The following FAT1 variants were observed in gnomAD, a reference collection of about 807,000 sequenced individuals.
The protein encoded by FAT1 is FAT atypical cadherin 1, also known as protocadherin Fat 1.
Under a neutral mutation model 329.8 loss-of-function variants are expected in FAT1, and 171 were observed. The ratio of observed to expected loss-of-function variants is 0.52; its 90% CI spans 0.46 to 0.59. The LOEUF (loss-of-function observed/expected upper bound fraction) is 0.59, where lower values mean the gene tolerates loss of function less well. FAT1 is among the 20% of genes least tolerant of loss of function. FAT1 has a pLI of 0.00. For missense variants in FAT1, 5,672 were observed against 5,774.4 expected (o/e 0.98, Z 0.57); for synonymous variants, 2,233 against 2,228.6 (o/e 1.00, Z -0.06).
chr4:186,664,421 G>A (rs1370140019), intron 2 of FAT1, among the ~76,000 whole-genome samples: 3 of 152,130 alleles, frequency 2.0e-5, no homozygotes, highest in South Asian at 2.1e-4. Context: ...GCACAATAAC[G>A]TATTAAATAC....
intron 9 of FAT1, among the ~76,000 whole-genome samples, chr4:186,622,278 C>G (rs373911078): frequency 2.6e-5 from 4 of 152,242 alleles, no homozygotes; most frequent in African/African-American, 7.2e-5. Context: ...GTGTGTAACC[C>G]ACCCCACTTT....
At position 186,588,202 on chromosome 4, in the gene FAT1, A is replaced by G; in HGVS notation, c.*390T>C. ...AATTCAGTTGAAACAAATGCACAAA[A>G]TATCTTGGAAATCTAGTTAAAACTA... On this transcript the variant is annotated 3_prime_UTR_variant, in exon 27 of 27. Transcript: ENST00000441802. 4.2e-6 allele frequency: 1 copy of G among 239,866 alleles called. No individual in the cohort carries two copies. The highest frequency in any genetic ancestry group is 8.2e-6 in the Non-Finnish European group (1 of 121,776). The allele number at this position is 239,866 out of a possible 1,614,324, so 14.9% of individuals were successfully genotyped here. A position where few individuals can be genotyped will look rare whatever the true frequency, so the allele number is the denominator to read the frequency against.
chr4:186,690,897 C>T (rs1743729192), intron 2 of FAT1, among the ~76,000 whole-genome samples: 1 of 152,138 alleles, frequency 6.6e-6, no homozygotes, highest in Admixed American at 6.5e-5. Flanking sequence ...ACGCTAATCA[C>T]ATGCTGTAAT....
intron 9 of FAT1, 136 bp downstream of exon 9, chr4:186,628,018 T>C: frequency 1.1e-6 from 1 of 938,688 alleles, no homozygotes; most frequent in Non-Finnish European, 1.6e-6. Context: ...ACATGTAAAA[T>C]TGTATCTAGA....
chr4:186,617,010 C>G lies in FAT1; in HGVS notation c.9070G>C (p.Glu3024Gln). 1 of 1,610,692 alleles carries G rather than the reference C, an allele frequency of 6.2e-7. No homozygotes were observed. The highest frequency in any genetic ancestry group is 8.5e-7 in the Non-Finnish European group (1 of 1,178,702). Residue 3024 changes from glutamate to glutamine, a missense_variant, in exon 11 of 27, where the codon GAA becomes CAA. Physicochemically the swap from Glu to Gln is conservative, Grantham distance 29. Coordinates refer to ENST00000441802, the MANE Select transcript of FAT1 (RefSeq NM_005245.4). ...LDANDNSPVCEKTLYSDTIPE... is the reference protein window; with the variant it reads ...LDANDNSPVCQKTLYSDTIPE... ...GTAAGGGAAGAGCTGCTTACCTTTT[C>G]ACAAACTGGACTGTTGTCATTTGCA...
rs1272380106 is a variant in FAT1 at position 186,614,348 on chromosome 4, C to G, written c.9076-4G>C. On this transcript the variant is annotated splice_polypyrimidine_tract_variant and splice_region_variant and intron_variant, in intron 11 of 26. Transcript: ENST00000441802. ...GAATAGTGTCTGAATATAAAGTCTG[C>G]AAAGAGTTTAAACAAAAACGTTACA... is the stretch of plus-strand genomic sequence containing the variant. 1 of 1,519,128 alleles carries G rather than the reference C, an allele frequency of 6.6e-7. No individual in the cohort carries two copies. The highest frequency in any genetic ancestry group is 1.4e-5 in the African/African-American group (1 of 70,010). The allele number at this position is 1,519,128 out of a possible 1,614,324, so 94.1% of individuals were successfully genotyped here.
intron 16 of FAT1, 52 bp downstream of exon 16, chr4:186,609,131 A>T (rs1196583213): frequency 3.8e-6 from 6 of 1,588,016 alleles, no homozygotes; most frequent in African/African-American, 2.7e-5. Flanking sequence ...AGGCATTTCT[A>T]GTTATTGATG....
At chr4:186,726,111 C>T (rs938898804), upstream of FAT1, among the ~76,000 whole-genome samples, 1 of 152,236 alleles carries the variant, frequency 6.6e-6, no homozygotes, top group African/African-American at 2.4e-5. Flanking sequence ...GCACAAACAG[C>T]ATCGCCTCTC....
chr4:186,690,387 G>A (rs1279156818), intron 2 of FAT1, among the ~76,000 whole-genome samples: 4 of 152,074 alleles, frequency 2.6e-5, no homozygotes, highest in South Asian at 2.1e-4. Flanking sequence ...CACTTATTTC[G>A]TGTACGTCAT....
Position 186,618,257 on chromosome 4 carries a change from A to G in FAT1, c.8329T>C (p.Ser2777Pro), listed in dbSNP as rs2126492943. ...DHETTKWYQF[S>P]ILARCTQDDH... ...TCTTGAGTGCACCTGGCCAGTATGG[A>G]AAACTGATACCACTTAGTTGTCTCA... is the stretch of plus-strand genomic sequence containing the variant. Residue 2777 changes from serine (S) to proline (P), a missense_variant, in exon 10 of 27, where the codon TCC becomes CCC. By Grantham distance (74) the Ser-to-Pro change is moderately conservative (BLOSUM62 -1). Around this residue, in one of 2 missense-constraint regions of FAT1, gnomAD observed 3,966 missense variants for 3,915.2 expected, o/e 1.01. Coordinates refer to ENST00000441802, the MANE Select transcript of FAT1 (RefSeq NM_005245.4). 5 of 1,614,038 alleles carry G rather than the reference A, an allele frequency of 3.1e-6. No homozygotes were observed. Among genetic ancestry groups the G allele is most frequent in the Non-Finnish European group, 4.2e-6 (5 of 1,179,896 alleles).
rs1738960006 is a variant in FAT1, at chr4:186,603,921, T to C, written c.10605A>G (p.Val3535=). ...CAGGCGGATAGATGCTCTCCTCAAT[T>C]ACCCTAATGTCAATGTATGTCAAAG... ...LSSLTYIDIR[V]IEESIYPPAI... The change falls in exon 19 of 27, where the codon GTA becomes GTG. Residue 3535 remains valine, a synonymous_variant. Coordinates refer to ENST00000441802, the MANE Select transcript of FAT1 (RefSeq NM_005245.4). The C allele has an allele frequency of 3.7e-6, 6 of 1,613,904 alleles. No individual in the cohort carries two copies. In the East Asian group the frequency reaches 1.3e-4, roughly 36 times the overall value.
chr4:186,594,407 A>G (rs947143569), intron 26 of FAT1, among the ~76,000 whole-genome samples: 4 of 152,004 alleles, frequency 2.6e-5, no homozygotes, highest in Admixed American at 6.6e-5. Flanking sequence ...AACAAGAACT[A>G]GAAAGAAAAT....
intron 2 of FAT1, among the ~76,000 whole-genome samples, chr4:186,703,922 C>T (rs1182101085): frequency 6.6e-6 from 1 of 152,192 alleles, no homozygotes; most frequent in Non-Finnish European, 1.5e-5. Flanking sequence ...CTGATTTTTC[C>T]TAAAGGAGTT....
At position 186,708,612 on chromosome 4, in the gene FAT1, G is replaced by A. The variant is rs1000414932; in HGVS notation, c.1216C>T (p.Pro406Ser). ...SHLRYVFKST[P>S]GKAKFSLNYN... The stretch of plus-strand genomic sequence containing the variant: ...TTTAAACTGAATTTAGCTTTTCCAG[G>A]TGTACTTTTAAAAACATACCTCAAA... Residue 406 changes from proline (P) to serine (S), a missense_variant, in exon 2 of 27, where the codon CCT becomes TCT. By Grantham distance (74) the Pro-to-Ser change is moderately conservative (BLOSUM62 -1). Transcript: ENST00000441802. The A allele has an allele frequency of 3.7e-6, 6 of 1,613,822 alleles. No individual in the cohort carries two copies. The highest frequency in any genetic ancestry group is 4.2e-6 in the Non-Finnish European group (5 of 1,179,898).
chr4:186,700,967 TG>T (rs1189111119), intron 2 of FAT1, among the ~76,000 whole-genome samples: 1 of 152,266 alleles, frequency 6.6e-6, no homozygotes. Flanking sequence ...TCCCGGCCCC[TG>T]CACACTCTGA....
chr4:186,628,757 T>C lies in FAT1; in HGVS notation c.4330A>G (p.Ile1444Val), dbSNP rs1380525402. Reference sequence around the variant, plus strand: ...TGGTCATTTGTGTCTATTACTTTGATGAATACCTGTAATGGATGACAAAAT... The same window carrying C: ...TGGTCATTTGTGTCTATTACTTTGACGAATACCTGTAATGGATGACAAAAT... ...GTTTILTQVF[I>V]KVIDTNDHRP... The change falls in exon 8 of 27, where the codon ATC (isoleucine) becomes GTC (valine). Residue 1444 changes from isoleucine to valine, a missense_variant. Around this residue, in one of 2 missense-constraint regions of FAT1, gnomAD observed 3,966 missense variants for 3,915.2 expected, o/e 1.01. Coordinates refer to ENST00000441802, the MANE Select transcript of FAT1 (RefSeq NM_005245.4). 2 of 1,612,276 alleles carry C rather than the reference T, an allele frequency of 1.2e-6. No homozygotes were observed. Among genetic ancestry groups the C allele is most frequent in the Non-Finnish European group, 1.7e-6 (2 of 1,179,472 alleles).
chr4:186,723,592 CCA>C (rs1745561657), intron 1 of FAT1, 70 bp downstream of exon 1: 1 of 152,204 alleles, frequency 6.6e-6, no homozygotes, highest in Non-Finnish European at 1.5e-5. Flanking sequence ...GGGCGGACAC[CCA>C]CAGAGTCCGC....
In FAT1 at chr4:186,621,620, A is replaced by G. The variant is rs1206108729; in HGVS notation, c.4966T>C (p.Phe1656Leu). 2 of 1,613,924 alleles carry G rather than the reference A, an allele frequency of 1.2e-6. No individual in the cohort carries two copies. The highest frequency in any genetic ancestry group is 4.5e-5 in the East Asian group (2 of 44,886). Residue 1656 changes from phenylalanine to leucine, a missense_variant, in exon 10 of 27, where the codon TTT (phenylalanine) becomes CTT (leucine). Physicochemically the swap from Phe to Leu is conservative, Grantham distance 22. This residue lies in a region of FAT1 where 3,966 missense variants were observed against 3,915.2 expected (regional missense o/e 1.01). Coordinates refer to ENST00000441802, the MANE Select transcript of FAT1 (RefSeq NM_005245.4). ...GAGGCGTTGTCAGCAATTGTGACAA[A>G]GATACGCACAGAAGTTATTTCACTC... ...PMSEITSVRI[F>L]VTIADNASPK...
At chr4:186,592,304 A>T (rs970668940) in intron 26 of FAT1, among the ~76,000 whole-genome samples, 5 of 152,216 alleles carry the variant, frequency 3.3e-5, no homozygotes, top group African/African-American at 1.2e-4. Context: ...GGAAAAACCA[A>T]AAGTGAAGAG....
Sources: allele counts gnomAD v4.1 joint callset (sites outside exome capture counted in the v4.1 genomes callset), GRCh38; gene constraint gnomAD v4.1.1; regional missense constraint gnomAD v4.1.1; transcripts MANE v1.5; gene names NCBI Gene and HGNC (gene_info 2026-07-23, HGNC 2026-07-21).